TTN: variants seen among roughly 807,000 people sequenced by gnomAD.
The protein encoded by TTN is connectin.
In TTN, 1,525 loss-of-function variants were observed where a neutral mutation model predicts 3,223.0. The ratio of observed to expected loss-of-function variants is 0.47; its 90% CI spans 0.45 to 0.49. The LOEUF is 0.49. Ranked by LOEUF, TTN falls within the 20% of genes least tolerant of loss-of-function variation. TTN has a pLI of 0.00. For synonymous variants in TTN, 14,094 were observed against 15,161.0 expected (o/e 0.93, Z 5.17); for missense variants, 40,786 against 43,424.0 (o/e 0.94, Z 5.40).
chr2:178,790,167 T>C (rs1358459986), intron 11 of TTN, 52 bp from the exon 12 acceptor site: 3 of 1,573,510 alleles, frequency 1.9e-6, no homozygotes, highest in Non-Finnish European at 2.6e-6. Flanking sequence ...CATAAATCTT[T>C]AATAAAAGAA....
Position 178,584,878 on chromosome 2 carries a change from C to G in TTN, c.64763G>C (p.Gly21588Ala). 1.9e-6 allele frequency: 3 copies of G among 1,613,340 alleles called. No individual in the cohort carries two copies. The highest frequency in any genetic ancestry group is 2.5e-6 in the Non-Finnish European group (3 of 1,179,538). The change falls in exon 310 of 363, where the codon GGA becomes GCA. Residue 21588 changes from glycine to alanine, a missense_variant. Physicochemically the swap from Gly to Ala is moderately conservative, Grantham distance 60. Transcript: ENST00000589042. ...TATATAATTGGTGATGTTACTGCCT[C>G]CGTCCTCCAGAGGGATGTGCCATGA... is the stretch of plus-strand genomic sequence containing the variant. ...SLSWHIPLED[G>A]GSNITNYIVE...
rs777873111 is a variant in TTN at position 178,651,735 on chromosome 2, T to C, written c.39394A>G (p.Lys13132Glu). 2 of 1,613,214 alleles carry C rather than the reference T, an allele frequency of 1.2e-6. No individual in the cohort carries two copies. Among genetic ancestry groups the C allele is most frequent in the South Asian group, 2.2e-5 (2 of 91,046 alleles). ...AAPPQVTVPP[K>E]KPVPEKKAPA... ...GCTTTCTTTTCTGGGACAGGTTTCT[T>C]AGGTGGTACGGTCACTAAAGAATTA... The change falls in exon 206 of 363, where the codon AAG becomes GAG. Residue 13132 changes from lysine (K) to glutamate (E), a missense_variant. Lys to Glu is a moderately conservative substitution (Grantham distance 56). Transcript: ENST00000589042.
chr2:178,560,376 T>G lies in TTN; in HGVS notation c.85756A>C (p.Ile28586Leu). The change falls in exon 326 of 363, where the codon ATA (isoleucine) becomes CTA (leucine). Residue 28586 changes from isoleucine (I) to leucine (L), a missense_variant. Coordinates refer to ENST00000589042, the MANE Select transcript of TTN (RefSeq NM_001267550.2). ...CTATTTTTCTCTCGCCTTTCAATTA[T>G]ATATCCAGATATTTCACTACCTCCA... ...SDGGSEISGY[I>L]IERREKNSLR... is the part of the protein sequence containing the mutation. The G allele has an allele frequency of 3.1e-6, 5 of 1,613,744 alleles. No individual in the cohort carries two copies. The highest frequency in any genetic ancestry group is 4.2e-6 in the Non-Finnish European group (5 of 1,179,780).
At chr2:178,794,354 G>A (rs772478711) in intron 8 of TTN, 45 bp downstream of exon 8, 1 of 1,612,688 alleles carries the variant, frequency 6.2e-7, no homozygotes, top group Non-Finnish European at 8.5e-7. Flanking sequence ...AATGTGCACT[G>A]AAGGACGTGG....
rs928988828 is a variant in TTN, at chr2:178,773,594, C to G, written c.7462G>C (p.Asp2488His). The G allele has an allele frequency of 1.2e-6, 2 of 1,613,942 alleles. No individual in the cohort carries two copies. Among genetic ancestry groups the G allele is most frequent in the African/African-American group, 2.7e-5 (2 of 74,910 alleles). ...TTCACAATGGCCTGTACACGGTCAT[C>G]AGGCTTGATTTGTTCATCATTTAAG... is the stretch of plus-strand genomic sequence containing the variant. ...WYLNDEQIKP[D>H]DRVQAIVKGT... Residue 2488 changes from aspartate (D) to histidine (H), a missense_variant, in exon 32 of 363, where the codon GAT becomes CAT. Physicochemically the swap from Asp to His is moderately conservative, Grantham distance 81. Coordinates refer to ENST00000589042, the MANE Select transcript of TTN (RefSeq NM_001267550.2).
rs1250198694 is a variant in TTN, at chr2:178,575,365, T to C, written c.70767A>G (p.Glu23589=). 6.2e-7 allele frequency: 1 copy of C among 1,613,634 alleles called. No homozygotes were observed. Among genetic ancestry groups the C allele is most frequent in the African/African-American group, 1.3e-5 (1 of 75,042 alleles). The change falls in exon 326 of 363, where the codon GAA becomes GAG. Residue 23589 remains glutamate, a synonymous_variant. Transcript: ENST00000589042. The surrounding 1 kb of genome is among the most constrained non-coding windows in gnomAD (Gnocchi z 4.0). ...WTHITTVKGL[E]CVVRNLTEGE... ...CTTCAGTTAGATTCCTCACAACACA[T>C]TCTAACCCTTTCACGGTTGTGATGT...
At chr2:178,749,704 AAC>A in intron 47 of TTN, 2 of 1,613,074 alleles carry the variant, frequency 1.2e-6, no homozygotes, top group Non-Finnish European at 1.7e-6. Context: ...TGTTTTCAGC[AAC>A]ACATTTATAT....
chr2:178,755,000 A>G (rs1178733027), intron 46 of TTN, among the ~76,000 whole-genome samples: 4 of 151,988 alleles, frequency 2.6e-5, no homozygotes, highest in African/African-American at 9.7e-5. Flanking sequence ...CCCCCTTTTC[A>G]TCCCTAACAC....
rs201035457 is a variant in TTN, at chr2:178,651,962, C to T, written c.39301G>A (p.Glu13101Lys). 4.0e-4 allele frequency: 645 copies of T among 1,610,180 alleles called. No individual in the cohort carries two copies. Among genetic ancestry groups the T allele is most frequent in the Non-Finnish European group, 5.1e-4 (606 of 1,178,158 alleles). Reference protein sequence around the residue: ...KPESPPPEVFEEPEEVALEEP... With the variant: ...KPESPPPEVFKEPEEVALEEP... Reference sequence around the variant, plus strand: ...TCTAGGGCAACTTCCTCAGGCTCCTCGAACACTTTAAAGACATGAGCTCAT... The same window carrying T: ...TCTAGGGCAACTTCCTCAGGCTCCTTGAACACTTTAAAGACATGAGCTCAT... The change falls in exon 205 of 363, where the codon GAG becomes AAG. Residue 13101 changes from glutamate (E) to lysine (K), a missense_variant. Glu to Lys is a moderately conservative substitution (Grantham distance 56). Transcript: ENST00000589042.
chr2:178,679,267 G>A, intron 142 of TTN, 72 bp downstream of exon 142: 1 of 1,501,016 alleles, frequency 6.7e-7, no homozygotes, highest in Non-Finnish European at 9.2e-7. Context: ...GGAAAGATCT[G>A]CTATGGCTCA....
Position 178,582,580 on chromosome 2 carries a change from G to A in TTN, c.65876C>T (p.Pro21959Leu). The A allele has an allele frequency of 6.2e-7, 1 of 1,607,572 alleles. No individual in the cohort carries two copies. The highest frequency in any genetic ancestry group is 8.5e-7 in the Non-Finnish European group (1 of 1,175,896). Residue 21959 changes from proline to leucine, a missense_variant, in exon 314 of 363, where the codon CCT becomes CTT. Transcript: ENST00000589042. Reference protein sequence around the residue: ...IKLKVLDKPGPPASVKINKMY... With the variant: ...IKLKVLDKPGLPASVKINKMY... ...TTTGTTGATTTTAACAGATGCTGGAGGACCCGGTTTATCTGAAGGAATAAG... is the reference window on the plus strand; with the variant it reads ...TTTGTTGATTTTAACAGATGCTGGAAGACCCGGTTTATCTGAAGGAATAAG...
At chr2:178,555,246 T>C in intron 330 of TTN, 94 bp from the exon 331 acceptor site, 4 of 1,173,822 alleles carry the variant, frequency 3.4e-6, no homozygotes, top group Non-Finnish European at 4.8e-6. Flanking sequence ...TTGGCCATTA[T>C]TAAATTATAC....
chr2:178,606,584 T>C (rs2054884947), intron 278 of TTN, among the ~76,000 whole-genome samples: 1 of 151,970 alleles, frequency 6.6e-6, no homozygotes, highest in African/African-American at 2.4e-5. Flanking sequence ...CTCTCTATCC[T>C]TCCAGTATGG....
rs1689895943 is a variant in TTN at position 178,533,070 on chromosome 2, G to T, written c.103545C>A (p.Ser34515Arg). The stretch of plus-strand genomic sequence containing the variant: ...TGAATTCCCCTTTTACAGTCTTGGT[G>T]CTTACAGCCGGTTTATAAAGGACAG... ...EAAVLYKPAV[S>R]TKTVKGEFRL... Residue 34515 changes from serine (S) to arginine (R), a missense_variant, in exon 358 of 363, where the codon AGC becomes AGA. Physicochemically the swap from Ser to Arg is moderately radical, Grantham distance 110 (BLOSUM62 -1). Transcript: ENST00000589042. The T allele has an allele frequency of 1.2e-6, 2 of 1,613,714 alleles. No homozygotes were observed. Among genetic ancestry groups the T allele is most frequent in the Admixed American group, 1.7e-5 (1 of 59,990 alleles).
chr2:178,670,282 A>T lies in TTN; in HGVS notation c.35322T>A (p.Pro11774=), dbSNP rs2066748838. The change falls in exon 157 of 363, where the codon CCT becomes CCA. Residue 11774 remains proline (P), a synonymous_variant. Transcript: ENST00000589042. The part of the protein sequence containing the change: ...KEPPAKVPEV[P]KKIVVEEKVR... ...CTTTTTCTTCTACCACAATTTTCTTAGGCACCTCCGGTACTTTAAAGATAA... is the reference window on the plus strand; with the variant it reads ...CTTTTTCTTCTACCACAATTTTCTTTGGCACCTCCGGTACTTTAAAGATAA... 1 of 1,489,774 alleles carries T rather than the reference A, an allele frequency of 6.7e-7. No homozygotes were observed. The allele number at this position is 1,489,774 out of a possible 1,614,324, so 92.3% of individuals were successfully genotyped here.
rs397517567 is a variant in TTN, at chr2:178,634,078, T to C, written c.42421A>G (p.Arg14141Gly). Residue 14141 changes from arginine (R) to glycine (G), a missense_variant, in exon 231 of 363, where the codon AGA (arginine) becomes GGA (glycine). Arg to Gly is a moderately radical substitution (Grantham distance 125, BLOSUM62 -2). Coordinates refer to ENST00000589042, the MANE Select transcript of TTN (RefSeq NM_001267550.2). The surrounding 1 kb of genome is among the most constrained non-coding windows in gnomAD (Gnocchi z 4.6). ...TSARLFVTGI[R>G]LKFMSPLEDQ... ...TCAAGAGGTGACATGAATTTCAGTC[T>C]TATACCTGAAATGCAAGCATAGATA... The C allele has an allele frequency of 3.1e-6, 5 of 1,612,590 alleles. No individual in the cohort carries two copies. The highest frequency in any genetic ancestry group is 3.4e-6 in the Non-Finnish European group (4 of 1,179,322).
In TTN at chr2:178,588,966, G is replaced by T; in HGVS notation, c.62759C>A (p.Thr20920Lys). The T allele has an allele frequency of 6.2e-7, 1 of 1,612,420 alleles. No individual in the cohort carries two copies. The change falls in exon 304 of 363, where the codon ACA becomes AAA. Residue 20920 changes from threonine to lysine, a missense_variant. Coordinates refer to ENST00000589042, the MANE Select transcript of TTN (RefSeq NM_001267550.2). ...GAGACGTGTTACTGTAGTACCAGGT[G>T]TCAAGACAGTAGCAGAATAGGTAGA... is the stretch of plus-strand genomic sequence containing the variant. ...VWSTYSATVL[T>K]PGTTVTRLIE...
At chr2:178,603,834 T>G in intron 282 of TTN, 42 bp downstream of exon 282, 11 of 1,510,954 alleles carry the variant, frequency 7.3e-6, no homozygotes, top group Non-Finnish European at 9.8e-6. Flanking sequence ...TTAGTGACTT[T>G]GTGCTTTAGA....
chr2:178,617,127 ATCG>A lies in TTN; in HGVS notation c.47865_47867del (p.Asp15956del). On this transcript the variant is annotated inframe_deletion, in exon 255 of 363. Transcript: ENST00000589042. Reference sequence around the variant, plus strand: ...AATAAAATATCTATTTACCAAATGCATCGTCAGCGGTGAGAGGACCAAGAATTT... The same window carrying A: ...AATAAAATATCTATTTACCAAATGCATCAGCGGTGAGAGGACCAAGAATTT... 1 of 1,610,304 alleles carries A rather than the reference ATCG, an allele frequency of 6.2e-7. No homozygotes were observed. Among genetic ancestry groups the A allele is most frequent in the Non-Finnish European group, 8.5e-7 (1 of 1,178,204 alleles).
Sources: allele counts gnomAD v4.1 joint callset (sites outside exome capture counted in the v4.1 genomes callset), GRCh38; gene constraint gnomAD v4.1.1; non-coding constraint Gnocchi (gnomAD v3.1); transcripts MANE v1.5; gene names NCBI Gene and HGNC (gene_info 2026-07-23, HGNC 2026-07-21).